Variants in NXPE2 observed in about 807,000 individuals in gnomAD.
The protein encoded by NXPE2 is neurexophilin and PC-esterase domain family member 2, also known as NXPE family member 2.
A neutral mutation model predicts 34.4 loss-of-function variants in NXPE2; 34 were observed. That is an observed-to-expected ratio of 0.99 (90% CI 0.75 to 1.31). NXPE2 has a LOEUF of 1.31. Among genes scored for constraint, NXPE2 ranks in the 40% most tolerant of loss-of-function variants. NXPE2 has a pLI of 0.00. For synonymous variants in NXPE2, 235 were observed against 231.3 expected, an observed-to-expected ratio of 1.02 and a Z score of -0.15; for missense variants, 649 against 672.5, an observed-to-expected ratio of 0.97 and a Z score of 0.39.
intron 3 of NXPE2, 127 bp from the exon 4 acceptor site, chr11:114,703,864 T>A (rs544071186): frequency 1.4e-6 from 1 of 693,404 alleles, no homozygotes; most frequent in African/African-American, 1.8e-5. Context: ...CCCCAGGATA[T>A]CTTAAATATA....
the NXPE2 span, among the ~76,000 whole-genome samples, chr11:114,758,959 C>T: frequency 6.6e-6 from 1 of 151,808 alleles, no homozygotes; most frequent in South Asian, 2.1e-4. Context: ...GCTCTTTCTA[C>T]CCCCAATTTT....
the NXPE2 span, among the ~76,000 whole-genome samples, chr11:114,516,323 G>T: frequency 6.6e-6 from 1 of 152,142 alleles, no homozygotes; most frequent in African/African-American, 2.4e-5. Flanking sequence ...CTAATCAAGA[G>T]CAATTCAAAA....
At chr11:114,554,303 G>T in the NXPE2 span, 1 of 982,436 alleles carries the variant, frequency 1.0e-6, no homozygotes, top group Non-Finnish European at 1.2e-6. Flanking sequence ...CAGAGGCCAT[G>T]TGTGCCATAC....
chr11:114,615,400 A>G, the NXPE2 span, among the ~76,000 whole-genome samples: 4 of 151,556 alleles, frequency 2.6e-5, no homozygotes, highest in Non-Finnish European at 1.5e-5. Context: ...TGCCTCGGTA[A>G]CCACAGTTAC....
At chr11:114,499,192 A>G in the NXPE2 span, among the ~76,000 whole-genome samples, 1 of 152,154 alleles carries the variant, frequency 6.6e-6, no homozygotes, top group Non-Finnish European at 1.5e-5. Flanking sequence ...TTCTTACACC[A>G]TTATAACATA....
the NXPE2 span, among the ~76,000 whole-genome samples, chr11:114,501,862 G>T: frequency 1.3e-5 from 2 of 152,194 alleles, no homozygotes; most frequent in Non-Finnish European, 2.9e-5. Flanking sequence ...CCAGGGTTTG[G>T]CTGGAAAGAA....
At chr11:114,564,021 C>A in the NXPE2 span, among the ~76,000 whole-genome samples, 9 of 151,992 alleles carry the variant, frequency 5.9e-5, no homozygotes, top group Non-Finnish European at 1.2e-4. Flanking sequence ...TATGGCAGCA[C>A]AATTAGCAGT....
chr11:114,547,433 T>C, the NXPE2 span, among the ~76,000 whole-genome samples: 1 of 152,134 alleles, frequency 6.6e-6, no homozygotes, highest in Non-Finnish European at 1.5e-5. Flanking sequence ...TAAAGAGAAG[T>C]GACAATGAAA....
At chr11:114,615,826 G>T in the NXPE2 span, among the ~76,000 whole-genome samples, 1 of 151,622 alleles carries the variant, frequency 6.6e-6, no homozygotes, top group African/African-American at 2.4e-5. Context: ...GGTAACCACT[G>T]TTACCCTGTG....
chr11:114,644,076 G>C, the NXPE2 span, among the ~76,000 whole-genome samples: 4 of 152,258 alleles, frequency 2.6e-5, no homozygotes, highest in African/African-American at 9.6e-5. Context: ...TGGTGTATAA[G>C]AATGCTTGGG....
the NXPE2 span, among the ~76,000 whole-genome samples, chr11:114,541,451 A>T: frequency 6.6e-6 from 1 of 152,216 alleles, no homozygotes; most frequent in South Asian, 2.1e-4. Flanking sequence ...TGTCGATGAA[A>T]AGAGTCAAAC....
At chr11:114,725,976 A>AAAAATAT in the NXPE2 span, among the ~76,000 whole-genome samples, 18 of 101,758 alleles carry the variant, frequency 1.8e-4, no homozygotes, top group African/African-American at 3.4e-4. Flanking sequence ...ATAAAAAAAA[A>AAAAATAT]ATATATATAT....
At chr11:114,739,766 C>T in the NXPE2 span, among the ~76,000 whole-genome samples, 1 of 152,012 alleles carries the variant, frequency 6.6e-6, no homozygotes. Flanking sequence ...GGTAGGTAAC[C>T]ACTCTTCTAC....
chr11:114,504,696 C>T, the NXPE2 span, among the ~76,000 whole-genome samples: 1 of 152,114 alleles, frequency 6.6e-6, no homozygotes, highest in African/African-American at 2.4e-5. Flanking sequence ...CTTTATATCA[C>T]AATCAGACCC....
the NXPE2 span, among the ~76,000 whole-genome samples, chr11:114,640,426 G>C: frequency 6.6e-6 from 1 of 151,134 alleles, no homozygotes; most frequent in Non-Finnish European, 1.5e-5. Context: ...ATATATTCAC[G>C]TGCAGATGTC....
the NXPE2 span, among the ~76,000 whole-genome samples, chr11:114,464,914 AG>A: frequency 2.6e-5 from 4 of 152,206 alleles, no homozygotes; most frequent in Non-Finnish European, 5.9e-5. Context: ...ACTTCATAAA[AG>A]AGAAACTTGA....
At chr11:114,698,816 G>A (rs1238465865) in intron 3 of NXPE2, 38 bp downstream of exon 3, 2 of 1,446,428 alleles carry the variant, frequency 1.4e-6, no homozygotes, top group Non-Finnish European at 1.8e-6. Flanking sequence ...GATAAAAAGA[G>A]GTATCCGACC....
the NXPE2 span, among the ~76,000 whole-genome samples, chr11:114,630,459 T>C: frequency 2.6e-5 from 4 of 151,632 alleles, no homozygotes; most frequent in East Asian, 1.9e-4. Flanking sequence ...CTGGGAAAAC[T>C]GGCTAGCCAT....
At chr11:114,472,246 G>A in the NXPE2 span, among the ~76,000 whole-genome samples, 3 of 152,202 alleles carry the variant, frequency 2.0e-5, no homozygotes, top group African/African-American at 7.2e-5. Context: ...AGTTGTATTT[G>A]TTGGCTTGGT....
Sources: gnomAD v4.1 joint callset for allele counts (sites outside exome capture counted in the v4.1 genomes callset) on GRCh38, gnomAD v4.1.1 for gene constraint, MANE v1.5 for transcripts, NCBI Gene and HGNC (gene_info 2026-07-23, HGNC 2026-07-21) for gene names.